Variants in FLT3LG observed in about 807,000 individuals in gnomAD.
FLT3LG encodes the protein fms related receptor tyrosine kinase 3 ligand, also known as fms-related tyrosine kinase 3 ligand.
FLT3LG carries 8 observed loss-of-function variants against 30.9 expected under a neutral mutation model. The observed-to-expected ratio is 0.26, with a 90% CI of 0.15 to 0.47. FLT3LG has a LOEUF of 0.47. Among genes scored for constraint, FLT3LG ranks in the 20% least tolerant of loss-of-function variants. The pLI is 0.99. For synonymous variants in FLT3LG, 123 were observed against 135.9 expected (o/e 0.91, Z 0.66); for missense variants, 278 against 306.2 (o/e 0.91, Z 0.69).
Position 49,476,231 on chromosome 19 carries a change from G to T in FLT3LG, c.198+33G>T, listed in dbSNP as rs374460840. 9.5e-6 allele frequency: 15 copies of T among 1,574,656 alleles called. No homozygotes were observed. In the East Asian group the frequency reaches 3.1e-4, roughly 33 times the overall value. ...ATGTTGGGAGGGACCTGGGATGGAG[G>T]TGGGGACCACAGACTCAAGATGCTC... is the stretch of plus-strand genomic sequence containing the variant. On this transcript the variant is annotated intron_variant, in intron 4 of 8. Coordinates refer to ENST00000597551, the MANE Select transcript of FLT3LG (RefSeq NM_001459.4). The surrounding 1 kb of genome is among the most constrained non-coding windows in gnomAD (Gnocchi z 5.3).
chr19:49,479,497 CCT>C (rs1491198766), intron 6 of FLT3LG, among the ~76,000 whole-genome samples: 1 of 119,596 alleles, frequency 8.4e-6, no homozygotes, highest in African/African-American at 3.5e-5. Flanking sequence ...GCCCAGCCTA[CCT>C]TTTTTTTTTT....
At chr19:49,478,765 A>G in intron 5 of FLT3LG, 144 bp from the exon 6 acceptor site, 2 of 577,246 alleles carry the variant, frequency 3.5e-6, no homozygotes, top group Non-Finnish European at 4.8e-6. Flanking sequence ...TCAAAAAAAA[A>G]TTAATTAATT....
Position 49,476,279 on chromosome 19 carries a change from G to A in FLT3LG, c.198+81G>A. ...CTCCACCGAGGCGAGTGGATAACCAGGCCCTCCCCTCCCCAAACCCAGGAA... is the reference window on the plus strand; with the variant it reads ...CTCCACCGAGGCGAGTGGATAACCAAGCCCTCCCCTCCCCAAACCCAGGAA... On this transcript the variant is annotated intron_variant, in intron 4 of 8. Transcript: ENST00000597551. This position sits in a 1 kb window ranked among gnomAD's most constrained non-coding sequence, Gnocchi z 5.3. 1.4e-6 allele frequency: 2 copies of A among 1,447,270 alleles called. No individual in the cohort carries two copies. Among genetic ancestry groups the A allele is most frequent in the Non-Finnish European group, 1.9e-6 (2 of 1,035,672 alleles). 89.7% of individuals were successfully genotyped at this position (1,447,270 alleles called of 1,614,324 possible).
intron 8 of FLT3LG, among the ~76,000 whole-genome samples, chr19:49,484,259 T>C (rs1247353038): frequency 1.3e-5 from 2 of 150,548 alleles, no homozygotes; most frequent in Non-Finnish European, 3.0e-5. Context: ...TCCAATCTGT[T>C]TCCTGTCTTA....
chr19:49,480,558 C>T lies in FLT3LG; in HGVS notation c.667C>T (p.Pro223Ser), dbSNP rs1317605627. Reference sequence around the variant, plus strand: ...GACACTTTGGGGCCCACAGGTGCCCCCCGTCCCCAGTCCCCAGGACCTGCT... The same window carrying T: ...GACACTTTGGGGCCCACAGGTGCCCTCCGTCCCCAGTCCCCAGGACCTGCT... ...RTPRPGEQVP[P>S]VPSPQDLLLV... Residue 223 changes from proline (P) to serine (S), a missense_variant, in exon 8 of 9, where the codon CCC (proline) becomes TCC (serine). Around this residue, in one of 3 missense-constraint regions of FLT3LG, gnomAD observed 170 missense variants for 162.0 expected, o/e 1.05. Transcript: ENST00000597551. The T allele has an allele frequency of 6.2e-7, 1 of 1,613,154 alleles. No homozygotes were observed. The highest frequency in any genetic ancestry group is 1.3e-5 in the African/African-American group (1 of 75,030).
intron 2 of FLT3LG, among the ~76,000 whole-genome samples, chr19:49,474,874 G>C (rs1449873069): frequency 2.2e-5 from 3 of 134,508 alleles, no homozygotes; most frequent in African/African-American, 9.1e-5. Context: ...GAGATGGACA[G>C]AGGAGGGGGA....
intron 8 of FLT3LG, among the ~76,000 whole-genome samples, chr19:49,485,243 T>C (rs995549325): frequency 7.0e-6 from 1 of 141,976 alleles, no homozygotes. Flanking sequence ...CTTTTTCTTT[T>C]TTTTCTTTTT....
At chr19:49,485,813 C>T (rs987117809) in intron 8 of FLT3LG, among the ~76,000 whole-genome samples, 4 of 152,158 alleles carry the variant, frequency 2.6e-5, no homozygotes, top group Non-Finnish European at 5.9e-5. Context: ...CCACCGCGCC[C>T]GGGGAAATAT....
intron 8 of FLT3LG, among the ~76,000 whole-genome samples, chr19:49,484,359 A>G (rs549231148): frequency 7.9e-6 from 1 of 127,330 alleles, no homozygotes; most frequent in Non-Finnish European, 1.6e-5. Context: ...CAGTGGTGCT[A>G]TCTTGACTCA....
chr19:49,483,321 T>C (rs1036872877), intron 8 of FLT3LG, among the ~76,000 whole-genome samples: 2 of 151,846 alleles, frequency 1.3e-5, no homozygotes, highest in African/African-American at 4.8e-5. Flanking sequence ...TTTCACCATG[T>C]TGGCCAGGAT....
Position 49,475,739 on chromosome 19 carries a change from C to G in FLT3LG, c.82C>G (p.Gln28Glu), listed in dbSNP as rs1173657604. 2 of 1,611,880 alleles carry G rather than the reference C, an allele frequency of 1.2e-6. No individual in the cohort carries two copies. The highest frequency in any genetic ancestry group is 1.1e-5 in the South Asian group (1 of 91,084). ...LLLSSGLSGTQDCSFQHSPIS... is the reference protein window; with the variant it reads ...LLLSSGLSGTEDCSFQHSPIS... Reference sequence around the variant, plus strand: ...GCTGAGCTCGGGACTCAGTGGGACCCAGGACTGCTCCTTCCAACACAGCCC... The same window carrying G: ...GCTGAGCTCGGGACTCAGTGGGACCGAGGACTGCTCCTTCCAACACAGCCC... The change falls in exon 3 of 9, where the codon CAG becomes GAG. Residue 28 changes from glutamine to glutamate, a missense_variant. Transcript: ENST00000597551.
intron 2 of FLT3LG, among the ~76,000 whole-genome samples, chr19:49,475,214 G>C (rs192308008): frequency 1.2e-3 from 118 of 95,776 alleles, no homozygotes; most frequent in African/African-American, 4.1e-3. Context: ...AAGAGAGACA[G>C]AGGAGGGGGG....
chr19:49,480,506 G>A, intron 7 of FLT3LG, 30 bp downstream of exon 7: 1 of 1,601,974 alleles, frequency 6.2e-7, no homozygotes. Context: ...GGGGTGAGGG[G>A]GCCGAGAGGG....
chr19:49,482,865 G>A (rs2079661832), intron 8 of FLT3LG, among the ~76,000 whole-genome samples: 2 of 151,982 alleles, frequency 1.3e-5, no homozygotes, highest in African/African-American at 4.8e-5. Context: ...CTGACCTCAT[G>A]ATCCACCCGC....
intron 8 of FLT3LG, among the ~76,000 whole-genome samples, chr19:49,483,994 C>T (rs1273948334): frequency 6.6e-6 from 1 of 150,760 alleles, no homozygotes; most frequent in Non-Finnish European, 1.5e-5. Flanking sequence ...AAGTGATTCT[C>T]CTGCCTCAGC....
At chr19:49,483,654 C>T (rs766785075) in intron 8 of FLT3LG, among the ~76,000 whole-genome samples, 1 of 151,280 alleles carries the variant, frequency 6.6e-6, no homozygotes, top group South Asian at 2.1e-4. Flanking sequence ...CCCAGGAGGT[C>T]GAGGCTGCAG....
rs73580651 is a variant in FLT3LG at position 49,475,394 on chromosome 19, C to T, written c.34-297C>T. ...AGGGACAGAGCTGGAGGAACCCGGG[C>T]GAGGAAACCAGACGTGAAGATGAGG... On this transcript the variant is annotated intron_variant, in intron 2 of 8. Transcript: ENST00000597551. Among the ~76,000 whole-genome samples, 791 of 142,242 alleles carry T rather than the reference C, an allele frequency of 5.6e-3. 9 individuals are homozygous for T. The highest frequency in any genetic ancestry group is 0.019 in the African/African-American group (719 of 37,650). The allele number at this position is 142,242 out of a possible 152,430, so 93.3% of individuals were successfully genotyped here.
intron 8 of FLT3LG, among the ~76,000 whole-genome samples, chr19:49,482,594 C>T (rs541321352): frequency 1.1e-4 from 16 of 151,832 alleles, no homozygotes; most frequent in African/African-American, 3.6e-4. Flanking sequence ...GCATGTGAGC[C>T]ACCTGTGCGA....
At chr19:49,479,575 C>T (rs1162229722) in intron 6 of FLT3LG, 2 of 150,780 alleles carry the variant, frequency 1.3e-5, no homozygotes, top group Admixed American at 7.0e-5. Flanking sequence ...TATCTCGGCT[C>T]ACTGCAAGCT....
Sources: allele counts gnomAD v4.1 joint callset (sites outside exome capture counted in the v4.1 genomes callset), GRCh38; gene constraint gnomAD v4.1.1; regional missense constraint gnomAD v4.1.1; non-coding constraint Gnocchi (gnomAD v3.1); transcripts MANE v1.5; gene names NCBI Gene and HGNC (gene_info 2026-07-23, HGNC 2026-07-21).